Variants in BCAT1 observed in about 807,000 individuals in gnomAD.
BCAT1 encodes branched chain amino acid transaminase 1.
A neutral mutation model predicts 52.4 loss-of-function variants in BCAT1; 48 were observed. That is an observed-to-expected ratio of 0.92 (90% CI 0.73 to 1.16). The LOEUF (loss-of-function observed/expected upper bound fraction) is 1.16, where lower values mean the gene tolerates loss of function less well. Ranked by LOEUF, BCAT1 falls within the 50% of genes most tolerant of loss-of-function variation. BCAT1 has a pLI of 0.00. For missense variants in BCAT1, 451 were observed against 457.1 expected, an observed-to-expected ratio of 0.99 and a Z score of 0.12; for synonymous variants, 167 against 161.3, an observed-to-expected ratio of 1.04 and a Z score of -0.27.
intron 4 of BCAT1, among the ~76,000 whole-genome samples, 158 bp downstream of exon 4, chr12:24,881,143 G>T (rs1942480841): frequency 6.6e-6 from 1 of 152,050 alleles, no homozygotes; most frequent in Non-Finnish European, 1.5e-5. Context: ...CCATTTTCTT[G>T]TATTTTTACC....
intron 3 of BCAT1, among the ~76,000 whole-genome samples, chr12:24,883,105 G>A (rs1942548085): frequency 6.6e-6 from 1 of 151,830 alleles, no homozygotes; most frequent in Admixed American, 6.6e-5. Flanking sequence ...TGGACAACAT[G>A]GTGAAACCCA....
At chr12:24,845,687 A>G (rs993341899) in intron 6 of BCAT1, among the ~76,000 whole-genome samples, 1 of 152,216 alleles carries the variant, frequency 6.6e-6, no homozygotes, top group Non-Finnish European at 1.5e-5. Flanking sequence ...CTTGGAAAAA[A>G]TAAATAATAA....
chr12:24,842,575 T>C (rs905477659), intron 6 of BCAT1, among the ~76,000 whole-genome samples: 1 of 152,178 alleles, frequency 6.6e-6, no homozygotes, highest in Non-Finnish European at 1.5e-5. Flanking sequence ...TTCATTTAAA[T>C]CTCACACCAA....
chr12:24,900,317 T>C (rs1465699704), intron 2 of BCAT1, among the ~76,000 whole-genome samples: 2 of 152,208 alleles, frequency 1.3e-5, no homozygotes, highest in African/African-American at 2.4e-5. Context: ...CCAGGCATTG[T>C]GGCTTATGCC....
intron 2 of BCAT1, among the ~76,000 whole-genome samples, chr12:24,895,221 G>A (rs907672805): frequency 2.6e-5 from 4 of 152,110 alleles, no homozygotes; most frequent in South Asian, 2.1e-4. Context: ...AATTGCATGC[G>A]ATACCACCAC....
intron 5 of BCAT1, among the ~76,000 whole-genome samples, chr12:24,861,962 C>CAGTGCCATGGCAGTTTACA: frequency 6.6e-6 from 1 of 152,314 alleles, no homozygotes; most frequent in Middle Eastern, 3.4e-3. Context: ...ACATTCCCAC[C>CAGTGCCATGGCAGTTTACA]AGTGCCATGG....
intron 9 of BCAT1, among the ~76,000 whole-genome samples, chr12:24,832,398 A>C (rs1210368110): frequency 6.6e-6 from 1 of 152,156 alleles, no homozygotes; most frequent in Non-Finnish European, 1.5e-5. Flanking sequence ...AAGTTAAAAA[A>C]CAAAAACAAC....
intron 6 of BCAT1, among the ~76,000 whole-genome samples, chr12:24,846,862 G>A (rs540482537): frequency 3.9e-5 from 6 of 152,282 alleles, no homozygotes; most frequent in African/African-American, 1.4e-4. Flanking sequence ...TGGGTGCTAA[G>A]TACTTAACTA....
At chr12:24,830,568 G>T (rs1422407282) in intron 9 of BCAT1, 2 of 152,108 alleles carry the variant, frequency 1.3e-5, no homozygotes, top group African/African-American at 4.8e-5. Context: ...GATAGTCTGT[G>T]CTCTCAAACA....
intron 4 of BCAT1, among the ~76,000 whole-genome samples, chr12:24,880,299 TA>T (rs989368472): frequency 9.9e-5 from 15 of 152,070 alleles, no homozygotes; most frequent in African/African-American, 3.4e-4. Context: ...AAATAATTTT[TA>T]AAAAAATTAA....
At chr12:24,903,077 C>T in intron 1 of BCAT1, 4 of 1,387,020 alleles carry the variant, frequency 2.9e-6, no homozygotes, top group Non-Finnish European at 2.8e-6. Flanking sequence ...TGGCCAAGCC[C>T]CGGCGCACGG....
At chr12:24,900,676 C>T (rs1023146957) in intron 2 of BCAT1, among the ~76,000 whole-genome samples, 7 of 152,142 alleles carry the variant, frequency 4.6e-5, no homozygotes, top group Non-Finnish European at 1.0e-4. Flanking sequence ...CTTGGTGGCT[C>T]ACGCCTGCAA....
At chr12:24,922,700 G>A (rs888505357) in intron 1 of BCAT1, among the ~76,000 whole-genome samples, 9 of 151,924 alleles carry the variant, frequency 5.9e-5, no homozygotes, top group South Asian at 2.1e-4. Flanking sequence ...GTGAAACCCC[G>A]TCTCTACTAA....
chr12:24,949,061 T>C lies in BCAT1; in HGVS notation c.-129A>G. On this transcript the variant is annotated 5_prime_UTR_variant, in exon 1 of 11. Transcript: ENST00000261192. ...CCGGCTGCAGCAAGACCTGGGGCAG[T>C]GCCCGAGGCGGCGGCGAGTACACGT... is the stretch of plus-strand genomic sequence containing the variant. 1.1e-6 allele frequency: 1 copy of C among 910,740 alleles called. No homozygotes were observed. The highest frequency in any genetic ancestry group is 1.7e-6 in the Non-Finnish European group (1 of 597,650). The allele number at this position is 910,740 out of a possible 1,614,324, so 56.4% of individuals were successfully genotyped here.
intron 5 of BCAT1, among the ~76,000 whole-genome samples, chr12:24,866,435 C>G (rs931790418): frequency 5.9e-5 from 9 of 152,202 alleles, no homozygotes. Flanking sequence ...GTGCCACCCC[C>G]ACTCCACAGT....
rs1943944825 is a variant in BCAT1 at position 24,947,172 on chromosome 12, C to CACAT, written c.6+1754_6+1755insATGT. 4.2e-5 allele frequency among the ~76,000 whole-genome samples: 3 copies of CACAT among 71,760 alleles called. No homozygotes were observed. In the East Asian group the frequency reaches 1.9e-3, roughly 46 times the overall value. The allele number at this position is 71,760 out of a possible 152,430, so 47.1% of individuals were successfully genotyped here. On this transcript the variant is annotated intron_variant, in intron 1 of 10. Coordinates refer to ENST00000261192, the MANE Select transcript of BCAT1 (RefSeq NM_005504.7). ...CTAGGCCTCCCGTCTTCCCTCCACA[C>CACAT]ACACACACACACACACACACACACA...
intron 3 of BCAT1, among the ~76,000 whole-genome samples, chr12:24,884,648 G>A (rs1424940841): frequency 6.6e-6 from 1 of 152,056 alleles, no homozygotes; most frequent in Non-Finnish European, 1.5e-5. Flanking sequence ...AAAATTGTAT[G>A]CACTTAATGA....
intron 1 of BCAT1, among the ~76,000 whole-genome samples, chr12:24,917,973 T>A (rs1477369733): frequency 6.6e-6 from 1 of 152,212 alleles, no homozygotes; most frequent in Non-Finnish European, 1.5e-5. Flanking sequence ...TAAATGGGAA[T>A]GATTCAGCCA....
At chr12:24,913,568 A>C (rs189728344) in intron 1 of BCAT1, among the ~76,000 whole-genome samples, 132 of 152,298 alleles carry the variant, frequency 8.7e-4, no homozygotes, top group South Asian at 3.5e-3. Flanking sequence ...CTGGATGCAA[A>C]CCCATGAGCT....
Sources: gnomAD v4.1 joint callset for allele counts (sites outside exome capture counted in the v4.1 genomes callset) on GRCh38, gnomAD v4.1.1 for gene constraint, MANE v1.5 for transcripts, NCBI Gene and HGNC (gene_info 2026-07-23, HGNC 2026-07-21) for gene names.